The following CDYL2 variants were observed in gnomAD, a reference collection of about 807,000 sequenced individuals.
CDYL2 encodes chromodomain Y-like protein 2.
Under a neutral mutation model 49.4 loss-of-function variants are expected in CDYL2, and 23 were observed. The observed-to-expected ratio is 0.47, with a 90% CI of 0.34 to 0.66. The LOEUF is 0.66. Among genes scored for constraint, CDYL2 ranks in the 30% least tolerant of loss-of-function variants. The probability of loss-of-function intolerance (pLI) is 0.01; values close to 1 mark genes in which losing one functional copy is unlikely to be tolerated. For synonymous variants in CDYL2, 360 were observed against 268.8 expected (o/e 1.34, Z -3.32); for missense variants, 678 against 656.4 (o/e 1.03, Z -0.36).
At chr16:80,627,348 C>G (rs1907350244) in intron 3 of CDYL2, among the ~76,000 whole-genome samples, 1 of 151,820 alleles carries the variant, frequency 6.6e-6, no homozygotes, top group Non-Finnish European at 1.5e-5. Flanking sequence ...ATAGATGACT[C>G]AGAGAGTAGC....
intron 1 of CDYL2, among the ~76,000 whole-genome samples, chr16:80,751,189 C>A (rs1176534254): frequency 2.0e-5 from 3 of 152,174 alleles, no homozygotes; most frequent in Non-Finnish European, 4.4e-5. Flanking sequence ...CTTTAGACCT[C>A]CACTTCCGGC....
chr16:80,784,675 A>AGAC (rs1399666031), intron 1 of CDYL2, among the ~76,000 whole-genome samples: 1 of 152,166 alleles, frequency 6.6e-6, no homozygotes, highest in African/African-American at 2.4e-5. Context: ...ACCTCCACAA[A>AGAC]CACCTCTTAT....
At position 80,684,647 on chromosome 16, in the gene CDYL2, G is replaced by A; in HGVS notation, c.507C>T (p.His169=). The A allele has an allele frequency of 1.9e-6, 3 of 1,614,172 alleles. No homozygotes were observed. Among genetic ancestry groups the A allele is most frequent in the Non-Finnish European group, 2.5e-6 (3 of 1,180,032 alleles). The change falls in exon 2 of 7, where the codon CAC becomes CAT. Residue 169 remains histidine, a synonymous_variant. Coordinates refer to ENST00000570137, the MANE Select transcript of CDYL2 (RefSeq NM_152342.4). ...GDAGSEKDER[H]FGNGSHQPGL... ...CAGGCTGATGGGACCCATTTCCAAAGTGCCTCTCATCCTTCTCAGAGCCGG... is the reference window on the plus strand; with the variant it reads ...CAGGCTGATGGGACCCATTTCCAAAATGCCTCTCATCCTTCTCAGAGCCGG...
chr16:80,704,529 CTGAGA>C, intron 1 of CDYL2, among the ~76,000 whole-genome samples: 1 of 152,332 alleles, frequency 6.6e-6, no homozygotes. Context: ...TAATAGCAAA[CTGAGA>C]TAAGTGCTCT....
chr16:80,635,689 T>C (rs1567549876), intron 2 of CDYL2, among the ~76,000 whole-genome samples: 1 of 152,234 alleles, frequency 6.6e-6, no homozygotes, highest in South Asian at 2.1e-4. Flanking sequence ...CCACTGAATT[T>C]CTTTACAGAA....
At position 80,684,689 on chromosome 16, in the gene CDYL2, C is replaced by A. The variant is rs1359616485; in HGVS notation, c.465G>T (p.Gly155=). 6.2e-7 allele frequency: 1 copy of A among 1,614,210 alleles called. No homozygotes were observed. Among genetic ancestry groups the A allele is most frequent in the Admixed American group, 1.7e-5 (1 of 60,030 alleles). Residue 155 remains glycine, a synonymous_variant, in exon 2 of 7, where the codon GGG becomes GGT. Coordinates refer to ENST00000570137, the MANE Select transcript of CDYL2 (RefSeq NM_152342.4). ...CAGAGCCGGCGTCCCCATTTTCCAT[C>A]CCGTTCTGAGACTTTTTCAGGGGCA... ...QIMPLKKSQN[G]MENGDAGSEK...
At chr16:80,675,950 C>G (rs1909726699) in intron 2 of CDYL2, among the ~76,000 whole-genome samples, 1 of 152,152 alleles carries the variant, frequency 6.6e-6, no homozygotes, top group Non-Finnish European at 1.5e-5. Context: ...GTAGGAAAAG[C>G]AATTAGTTGG....
chr16:80,712,579 G>A (rs1024677813), intron 1 of CDYL2, among the ~76,000 whole-genome samples: 4 of 152,122 alleles, frequency 2.6e-5, no homozygotes, highest in African/African-American at 9.7e-5. Flanking sequence ...CACCGTGTGG[G>A]AGAAGTGGGT....
chr16:80,674,750 C>T (rs1909672654), intron 2 of CDYL2, among the ~76,000 whole-genome samples: 1 of 152,210 alleles, frequency 6.6e-6, no homozygotes, highest in Non-Finnish European at 1.5e-5. Flanking sequence ...CCGCATATGT[C>T]CACTATTCAT....
At chr16:80,744,574 C>A (rs568297035) in intron 1 of CDYL2, among the ~76,000 whole-genome samples, 2 of 152,276 alleles carry the variant, frequency 1.3e-5, no homozygotes, top group South Asian at 4.1e-4. Flanking sequence ...AACAACCTTA[C>A]AAGAAAATGT....
intron 1 of CDYL2, among the ~76,000 whole-genome samples, chr16:80,789,707 T>G (rs1056500684): frequency 6.6e-6 from 1 of 152,042 alleles, no homozygotes; most frequent in Non-Finnish European, 1.5e-5. Flanking sequence ...AAAGAAAATG[T>G]CCATGGAATA....
intron 2 of CDYL2, among the ~76,000 whole-genome samples, chr16:80,654,060 G>C (rs921191132): frequency 6.6e-6 from 1 of 152,218 alleles, no homozygotes; most frequent in African/African-American, 2.4e-5. Flanking sequence ...AATGAAGTGA[G>C]TGACTGCCCC....
At chr16:80,788,449 C>T (rs988369820) in intron 1 of CDYL2, among the ~76,000 whole-genome samples, 2 of 152,210 alleles carry the variant, frequency 1.3e-5, no homozygotes, top group African/African-American at 4.8e-5. Context: ...CAACAGACAC[C>T]TGTTTTTGTG....
At chr16:80,656,478 T>A (rs1445831553) in intron 2 of CDYL2, among the ~76,000 whole-genome samples, 2 of 152,232 alleles carry the variant, frequency 1.3e-5, no homozygotes, top group African/African-American at 4.8e-5. Context: ...GCCCCCACTG[T>A]CCTGCGTGTG....
At chr16:80,614,658 G>A (rs1346046605) in intron 4 of CDYL2, among the ~76,000 whole-genome samples, 2 of 152,182 alleles carry the variant, frequency 1.3e-5, no homozygotes, top group Non-Finnish European at 2.9e-5. Context: ...AAGGTCAGGA[G>A]TTCTAGACCA....
chr16:80,618,645 T>A (rs954921239), intron 4 of CDYL2, among the ~76,000 whole-genome samples: 19 of 152,170 alleles, frequency 1.2e-4, no homozygotes, highest in African/African-American at 4.6e-4. Flanking sequence ...TATTCCTGCA[T>A]GCAAGAAGGA....
At chr16:80,669,233 A>AAGGTGACCGGCCTGGCCG in intron 2 of CDYL2, among the ~76,000 whole-genome samples, 1 of 152,150 alleles carries the variant, frequency 6.6e-6, no homozygotes, top group South Asian at 2.1e-4. Context: ...ACGACAGGCC[A>AAGGTGACCGGCCTGGCCG]AGGTGACCGG....
chr16:80,754,465 C>T (rs993005816), intron 1 of CDYL2, among the ~76,000 whole-genome samples: 3 of 152,154 alleles, frequency 2.0e-5, no homozygotes, highest in Non-Finnish European at 2.9e-5. Context: ...AGGAACTTTC[C>T]GGAGTTTGGA....
chr16:80,741,499 T>C (rs558802838), intron 1 of CDYL2, among the ~76,000 whole-genome samples: 14 of 152,248 alleles, frequency 9.2e-5, no homozygotes, highest in African/African-American at 3.1e-4. Context: ...GGGAAAATAT[T>C]TGCAGCATAG....
Sources: gnomAD v4.1 joint callset for allele counts (sites outside exome capture counted in the v4.1 genomes callset) on GRCh38, gnomAD v4.1.1 for gene constraint, MANE v1.5 for transcripts, NCBI Gene and HGNC (gene_info 2026-07-23, HGNC 2026-07-21) for gene names.